The following LRRC7 variants were observed in gnomAD, a reference collection of about 807,000 sequenced individuals.
LRRC7 encodes the protein leucine-rich repeat-containing protein 7.
Under a neutral mutation model 175.7 loss-of-function variants are expected in LRRC7, and 23 were observed. The ratio of observed to expected loss-of-function variants is 0.13; its 90% CI spans 0.09 to 0.19. LRRC7 has a LOEUF of 0.19. Among genes scored for constraint, LRRC7 ranks in the 10% least tolerant of loss-of-function variants. The pLI is 1.00. For synonymous variants in LRRC7, 685 were observed against 680.9 expected (o/e 1.01, Z -0.09); for missense variants, 1,354 against 1,904.7 (o/e 0.71, Z 5.38).
chr1:69,934,828 C>A (rs1647822814), intron 8 of LRRC7, among the ~76,000 whole-genome samples: 1 of 152,112 alleles, frequency 6.6e-6, no homozygotes, highest in Admixed American at 6.5e-5. Context: ...TCCCCCTAGT[C>A]TAGACCCAGC....
intron 22 of LRRC7, among the ~76,000 whole-genome samples, chr1:70,049,996 GTAA>G (rs1026556625): frequency 5.3e-5 from 8 of 151,922 alleles, no homozygotes; most frequent in Non-Finnish European, 8.8e-5. Context: ...TCATATAATT[GTAA>G]TAATAAGTGT....
chr1:70,053,290 CTG>C lies in LRRC7; in HGVS notation c.4230+147_4230+148del, dbSNP rs1249780969. 1.0e-5 allele frequency: 7 copies of C among 684,024 alleles called. No homozygotes were observed. In the African/African-American group the frequency reaches 1.3e-4, roughly 13 times the overall value. 42.4% of individuals were successfully genotyped at this position (684,024 alleles called of 1,614,324 possible). A position where few individuals can be genotyped will look rare whatever the true frequency, so the allele number is the denominator to read the frequency against. Reference sequence around the variant, plus strand: ...TATGCTACTACACGAGTTTGGTTGACTGTAAGTACATTGAAATGAATGGAAAA... The same window carrying C: ...TATGCTACTACACGAGTTTGGTTGACTAAGTACATTGAAATGAATGGAAAA... On this transcript the variant is annotated intron_variant, in intron 23 of 26. Coordinates refer to ENST00000651989, the MANE Select transcript of LRRC7 (RefSeq NM_001370785.2).
rs541848122 is a variant in LRRC7, at chr1:70,092,266, A to C, written c.4545+2447A>C. Among the ~76,000 whole-genome samples, 6 of 152,288 alleles carry C rather than the reference A, an allele frequency of 3.9e-5. No individual in the cohort carries two copies. In the South Asian group the frequency reaches 1.2e-3, roughly 32 times the overall value. ...TGGCTGATTTACAGCTGGAAGTAAG[A>C]GGAACCAAGTTAAACAGATGTTTAA... On this transcript the variant is annotated intron_variant, in intron 25 of 26. Coordinates refer to ENST00000651989, the MANE Select transcript of LRRC7 (RefSeq NM_001370785.2).
chr1:69,782,283 T>C (rs1336717980), intron 3 of LRRC7, among the ~76,000 whole-genome samples: 1 of 152,226 alleles, frequency 6.6e-6, no homozygotes, highest in African/African-American at 2.4e-5. Context: ...AAGCATTGTG[T>C]TCCACACTTT....
intron 2 of LRRC7, among the ~76,000 whole-genome samples, chr1:69,738,438 C>A (rs1382636672): frequency 1.3e-5 from 2 of 151,956 alleles, no homozygotes; most frequent in African/African-American, 2.4e-5. Flanking sequence ...AAATATTTTT[C>A]TTCATCTTTT....
intron 1 of LRRC7, among the ~76,000 whole-genome samples, chr1:69,591,429 A>C (rs1646630603): frequency 6.6e-6 from 1 of 152,050 alleles, no homozygotes; most frequent in Non-Finnish European, 1.5e-5. Context: ...CATAGATGTC[A>C]AGAGGAAAAA....
Position 69,850,987 on chromosome 1 carries a change from T to A in LRRC7, c.647+12704T>A, listed in dbSNP as rs116713484. Among the ~76,000 whole-genome samples, 577 of 152,108 alleles carry A rather than the reference T, an allele frequency of 3.8e-3. 3 individuals are homozygous for A. Among genetic ancestry groups the A allele is most frequent in the African/African-American group, 0.012 (509 of 41,530 alleles). On this transcript the variant is annotated intron_variant, in intron 7 of 26. Transcript: ENST00000651989. ...GATTTGAGCTTGAAACATTTATAGTTTGAGCATGGAAAAGGAGCCTATAAA... is the reference window on the plus strand; with the variant it reads ...GATTTGAGCTTGAAACATTTATAGTATGAGCATGGAAAAGGAGCCTATAAA...
At chr1:69,666,769 C>A (rs1318304221) in intron 1 of LRRC7, among the ~76,000 whole-genome samples, 1 of 151,470 alleles carries the variant, frequency 6.6e-6, no homozygotes, top group Non-Finnish European at 1.5e-5. Flanking sequence ...TTATTTTTTT[C>A]ATTGATATTT....
intron 5 of LRRC7, among the ~76,000 whole-genome samples, chr1:69,834,381 C>T (rs1471972558): frequency 2.0e-5 from 3 of 152,084 alleles, no homozygotes; most frequent in Non-Finnish European, 2.9e-5. Context: ...TAACTGGATG[C>T]TCTTGCCTGA....
In LRRC7 at chr1:69,793,392, T is replaced by C. The variant is rs886089875; in HGVS notation, c.421+1232T>C. 2.6e-5 allele frequency among the ~76,000 whole-genome samples: 4 copies of C among 152,058 alleles called. No homozygotes were observed. The East Asian group carries it at 7.7e-4, about 29-fold the overall frequency. ...TGTGAAAGGCCATCAGAAAAATATC[T>C]TGGTCACATGTAAATATAAATTTCC... On this transcript the variant is annotated intron_variant, in intron 4 of 26. Coordinates refer to ENST00000651989, the MANE Select transcript of LRRC7 (RefSeq NM_001370785.2).
intron 8 of LRRC7, among the ~76,000 whole-genome samples, chr1:69,975,934 C>A (rs1652770868): frequency 6.6e-6 from 1 of 151,774 alleles, no homozygotes; most frequent in Non-Finnish European, 1.5e-5. Flanking sequence ...TTAACCTGTT[C>A]CTCTTCGCCA....
chr1:70,131,710 T>C lies in LRRC7; in HGVS notation c.*9823T>C, dbSNP rs990287318. 2.0e-5 allele frequency among the ~76,000 whole-genome samples: 3 copies of C among 152,210 alleles called. No individual in the cohort carries two copies. The highest frequency in any genetic ancestry group is 7.2e-5 in the African/African-American group (3 of 41,456). Reference sequence around the variant, plus strand: ...AAGGAAACAGCCACCATTGCTGTCTTTGATAGCATGATGCCTCAAACTCTC... The same window carrying C: ...AAGGAAACAGCCACCATTGCTGTCTCTGATAGCATGATGCCTCAAACTCTC... On this transcript the variant is annotated 3_prime_UTR_variant, in exon 27 of 27. Coordinates refer to ENST00000651989, the MANE Select transcript of LRRC7 (RefSeq NM_001370785.2).
intron 2 of LRRC7, among the ~76,000 whole-genome samples, chr1:69,688,446 A>G (rs1284543909): frequency 2.0e-5 from 3 of 152,148 alleles, no homozygotes; most frequent in African/African-American, 7.2e-5. Flanking sequence ...CATATCTACT[A>G]AAGAAATTTG....
At chr1:69,962,475 A>G (rs1398582020) in intron 8 of LRRC7, among the ~76,000 whole-genome samples, 1 of 152,244 alleles carries the variant, frequency 6.6e-6, no homozygotes, top group East Asian at 1.9e-4. Flanking sequence ...CAATCCCATT[A>G]CTGGGTATAT....
intron 7 of LRRC7, among the ~76,000 whole-genome samples, chr1:69,926,833 A>G (rs944225981): frequency 1.3e-5 from 2 of 152,140 alleles, no homozygotes; most frequent in Non-Finnish European, 1.5e-5. Context: ...GTTATGTGTG[A>G]ATTTGATCCT....
At chr1:70,105,201 A>G (rs1177233589) in intron 25 of LRRC7, among the ~76,000 whole-genome samples, 1 of 152,152 alleles carries the variant, frequency 6.6e-6, no homozygotes, top group African/African-American at 2.4e-5. Flanking sequence ...TGGTTGATTA[A>G]TCATTGAGCC....
intron 23 of LRRC7, among the ~76,000 whole-genome samples, chr1:70,056,199 T>C (rs1558032148): frequency 6.6e-6 from 1 of 152,088 alleles, no homozygotes; most frequent in East Asian, 1.9e-4. Context: ...TTAGAACATG[T>C]ATTATTGAGC....
intron 11 of LRRC7, among the ~76,000 whole-genome samples, chr1:69,996,007 T>G (rs1654922978): frequency 6.7e-6 from 1 of 149,970 alleles, no homozygotes; most frequent in Non-Finnish European, 1.5e-5. Flanking sequence ...TGAACTAGTT[T>G]ACAGTCCCAC....
At chr1:69,765,815 AT>A (rs1170063461) in intron 3 of LRRC7, among the ~76,000 whole-genome samples, 14 of 152,110 alleles carry the variant, frequency 9.2e-5, no homozygotes, top group Non-Finnish European at 1.6e-4. Context: ...TTTTTCAGAC[AT>A]TCTATCTAGA....
Sources: allele counts gnomAD v4.1 joint callset (sites outside exome capture counted in the v4.1 genomes callset), GRCh38; gene constraint gnomAD v4.1.1; transcripts MANE v1.5; gene names NCBI Gene and HGNC (gene_info 2026-07-23, HGNC 2026-07-21).